The following CEP83 variants were observed in gnomAD, a reference collection of about 807,000 sequenced individuals.
CEP83 encodes the protein centrosomal protein 83.
In CEP83, 70 loss-of-function variants were observed where a neutral mutation model predicts 101.9. The observed-to-expected ratio is 0.69, with a 90% CI of 0.57 to 0.84. The LOEUF (loss-of-function observed/expected upper bound fraction) is 0.84. Among genes scored for constraint, CEP83 ranks in the 40% least tolerant of loss-of-function variants. CEP83 has a pLI of 0.00. For synonymous variants in CEP83, 264 were observed against 267.9 expected (o/e 0.99, Z 0.14); for missense variants, 715 against 787.2 (o/e 0.91, Z 1.10).
At chr12:94,443,874 A>C (rs1326780750) in intron 1 of CEP83, among the ~76,000 whole-genome samples, 2 of 152,182 alleles carry the variant, frequency 1.3e-5, no homozygotes, top group Non-Finnish European at 2.9e-5. Context: ...AGAAACTATA[A>C]ATTCCTCAAA....
intron 12 of CEP83, among the ~76,000 whole-genome samples, chr12:94,334,901 A>G (rs2059388210): frequency 6.6e-6 from 1 of 152,152 alleles, no homozygotes; most frequent in East Asian, 1.9e-4. Context: ...GAAAGCCCAA[A>G]TGCCAATGAT....
the CEP83 span, chr12:94,280,295 C>T: frequency 6.2e-6 from 1 of 160,748 alleles, no homozygotes; most frequent in Admixed American, 5.9e-5. Flanking sequence ...CCGTGCAGTC[C>T]TCCCAGGAGA....
chr12:94,411,967 C>A, intron 3 of CEP83, 120 bp from the exon 4 acceptor site: 1 of 761,680 alleles, frequency 1.3e-6, no homozygotes, highest in Non-Finnish European at 2.1e-6. Flanking sequence ...TTCCTTTAAA[C>A]CCACAAGTAT....
chr12:94,267,375 A>G, the CEP83 span, among the ~76,000 whole-genome samples: 1 of 152,194 alleles, frequency 6.6e-6, no homozygotes. Context: ...TTCACAGTCA[A>G]TTAAGACCAT....
chr12:94,395,376 A>C (rs1029051294), intron 6 of CEP83, among the ~76,000 whole-genome samples: 2 of 151,932 alleles, frequency 1.3e-5, no homozygotes. Context: ...AATTAAAAAA[A>C]AAAATAATCA....
chr12:94,293,180 T>G, the CEP83 span, among the ~76,000 whole-genome samples: 11 of 152,246 alleles, frequency 7.2e-5, no homozygotes, highest in Non-Finnish European at 1.6e-4. Flanking sequence ...TTGCTCATTT[T>G]CATTGTTTTA....
At position 94,459,820 on chromosome 12, in the gene CEP83, G is replaced by A. The variant is rs73372224; in HGVS notation, c.-418C>T. The A allele has an allele frequency of 0.076, 11,656 of 153,958 alleles. 539 individuals are homozygous for A. Among genetic ancestry groups the A allele is most frequent in the African/African-American group, 0.12 (4,861 of 41,546 alleles). The allele number at this position is 153,958 out of a possible 1,614,324, so 9.5% of individuals were successfully genotyped here. ...GGAGAGGTCCGAGGGCGGCGGCGGC[G>A]GCGGTGAAAAGCCCCACTCCTCCGC... On this transcript the variant is annotated 5_prime_UTR_variant, in exon 1 of 17. Coordinates refer to ENST00000397809, the MANE Select transcript of CEP83 (RefSeq NM_016122.3).
chr12:94,273,402 C>G, the CEP83 span, among the ~76,000 whole-genome samples: 1 of 152,060 alleles, frequency 6.6e-6, no homozygotes, highest in South Asian at 2.1e-4. Flanking sequence ...ATTGAAGCTT[C>G]CTGCTCACCA....
chr12:94,384,939 G>A (rs949356708), intron 6 of CEP83, among the ~76,000 whole-genome samples: 4 of 152,124 alleles, frequency 2.6e-5, no homozygotes, highest in African/African-American at 4.8e-5. Context: ...TTCCTAGTTC[G>A]TGGTGTGACA....
chr12:94,279,731 C>G, the CEP83 span: 1 of 1,206,640 alleles, frequency 8.3e-7, no homozygotes, highest in Non-Finnish European at 1.2e-6. Context: ...TCCCCCCTCC[C>G]TGCCCCCACC....
At chr12:94,374,536 A>G (rs770394011) in intron 8 of CEP83, among the ~76,000 whole-genome samples, 2 of 152,204 alleles carry the variant, frequency 1.3e-5, no homozygotes, top group African/African-American at 4.8e-5. Context: ...TAAGCTTTCA[A>G]TGTGTATCTG....
At chr12:94,395,871 G>A (rs1048216899) in intron 6 of CEP83, among the ~76,000 whole-genome samples, 6 of 152,110 alleles carry the variant, frequency 3.9e-5, no homozygotes, top group East Asian at 3.8e-4. Context: ...AACCAGGGGA[G>A]TTCTCTTTTT....
the CEP83 span, among the ~76,000 whole-genome samples, chr12:94,299,227 A>G: frequency 2.6e-5 from 4 of 152,236 alleles, no homozygotes; most frequent in Non-Finnish European, 4.4e-5. Flanking sequence ...TGCAGTACTC[A>G]GATACTATGA....
chr12:94,366,589 G>A (rs1035641238), intron 11 of CEP83, among the ~76,000 whole-genome samples: 5 of 152,086 alleles, frequency 3.3e-5, no homozygotes, highest in Non-Finnish European at 5.9e-5. Flanking sequence ...AACAGAACTG[G>A]AAATATCAAT....
the CEP83 span, among the ~76,000 whole-genome samples, chr12:94,295,362 G>A: frequency 6.6e-6 from 1 of 152,228 alleles, no homozygotes; most frequent in African/African-American, 2.4e-5. Context: ...TGGGGCTGTG[G>A]TGAAGCCATC....
intron 2 of CEP83, among the ~76,000 whole-genome samples, chr12:94,429,059 T>TA (rs1348622436): frequency 6.6e-6 from 1 of 152,194 alleles, no homozygotes; most frequent in Non-Finnish European, 1.5e-5. Flanking sequence ...TTTCTGGACT[T>TA]AAAATTTTTT....
At chr12:94,292,562 C>A in the CEP83 span, among the ~76,000 whole-genome samples, 1 of 152,086 alleles carries the variant, frequency 6.6e-6, no homozygotes, top group Admixed American at 6.5e-5. Flanking sequence ...TGCTTGGAAC[C>A]ACAAGTATTT....
At chr12:94,457,087 G>A (rs948700841) in intron 1 of CEP83, among the ~76,000 whole-genome samples, 18 of 152,146 alleles carry the variant, frequency 1.2e-4, no homozygotes, top group Non-Finnish European at 1.0e-4. Context: ...ATCAGGTCAC[G>A]GGGGATAGAA....
At chr12:94,323,443 A>G (rs899099970) in intron 14 of CEP83, among the ~76,000 whole-genome samples, 1 of 151,880 alleles carries the variant, frequency 6.6e-6, no homozygotes, top group African/African-American at 2.4e-5. Flanking sequence ...CTCACTCACC[A>G]CTTCCCTGGG....
Sources: allele counts gnomAD v4.1 joint callset (sites outside exome capture counted in the v4.1 genomes callset), GRCh38; gene constraint gnomAD v4.1.1; transcripts MANE v1.5; gene names NCBI Gene and HGNC (gene_info 2026-07-23, HGNC 2026-07-21).